The following APBB2 variants were observed in gnomAD, a reference collection of about 807,000 sequenced individuals.
The protein encoded by APBB2 is amyloid beta precursor protein binding family B member 2, also known as Fe65-like 1.
Under a neutral mutation model 82.5 loss-of-function variants are expected in APBB2, and 38 were observed. That is an observed-to-expected ratio of 0.46 (90% CI 0.36 to 0.60). The LOEUF is 0.60. Ranked by LOEUF, APBB2 falls within the 20% of genes least tolerant of loss-of-function variation. The pLI is 0.00. For missense variants in APBB2, 772 were observed against 972.3 expected (o/e 0.79, Z 2.74); for synonymous variants, 341 against 368.2 (o/e 0.93, Z 0.85).
chr4:41,023,403 T>C (rs1468756179), intron 5 of APBB2, among the ~76,000 whole-genome samples: 2 of 152,144 alleles, frequency 1.3e-5, no homozygotes, highest in Non-Finnish European at 2.9e-5. Context: ...TTCATTGAGA[T>C]ATAATTTATA....
In APBB2 at chr4:41,033,270, A is replaced by C. The variant is rs772106676; in HGVS notation, c.-16T>G. Reference sequence around the variant, plus strand: ...CTTCTGACATGGATCACCAGGCGTCAGCAATGGTGCAGGAAATAGGTTATA... The same window carrying C: ...CTTCTGACATGGATCACCAGGCGTCCGCAATGGTGCAGGAAATAGGTTATA... On this transcript the variant is annotated 5_prime_UTR_variant, in exon 5 of 18. It removes the in-frame stop codon of an upstream open reading frame in the 5' UTR. Coordinates refer to ENST00000508593, the MANE Select transcript of APBB2 (RefSeq NM_004307.2). 6.2e-7 allele frequency: 1 copy of C among 1,604,846 alleles called. No homozygotes were observed. The highest frequency in any genetic ancestry group is 8.5e-7 in the Non-Finnish European group (1 of 1,174,006).
At chr4:41,121,495 G>C (rs1752793772) in intron 2 of APBB2, among the ~76,000 whole-genome samples, 1 of 152,238 alleles carries the variant, frequency 6.6e-6, no homozygotes, top group African/African-American at 2.4e-5. Context: ...CGCATCTGTG[G>C]TGTGGCTGGT....
chr4:41,199,194 T>A (rs746567464), intron 1 of APBB2, among the ~76,000 whole-genome samples: 1 of 103,292 alleles, frequency 9.7e-6, no homozygotes, highest in African/African-American at 5.2e-5. Context: ...ATGCCCTCAA[T>A]AGAACTGACT....
At chr4:40,827,382 T>C (rs1370062511) in intron 13 of APBB2, among the ~76,000 whole-genome samples, 163 bp from the exon 14 acceptor site, 1 of 152,198 alleles carries the variant, frequency 6.6e-6, no homozygotes, top group African/African-American at 2.4e-5. Flanking sequence ...CATATTTTGT[T>C]GAGGAATTCC....
At chr4:40,951,718 G>A (rs748769742) in intron 6 of APBB2, among the ~76,000 whole-genome samples, 7 of 152,220 alleles carry the variant, frequency 4.6e-5, no homozygotes, top group Non-Finnish European at 1.0e-4. Flanking sequence ...TTGGCATGCA[G>A]CAGCCGTGTT....
intron 4 of APBB2, among the ~76,000 whole-genome samples, chr4:41,059,585 C>T (rs1306320408): frequency 6.6e-6 from 1 of 152,272 alleles, no homozygotes; most frequent in Non-Finnish European, 1.5e-5. Flanking sequence ...TCTTAAGCCA[C>T]AAACAATAGC....
intron 6 of APBB2, among the ~76,000 whole-genome samples, chr4:40,967,409 G>A (rs1041545365): frequency 2.6e-5 from 4 of 152,222 alleles, no homozygotes; most frequent in African/African-American, 9.6e-5. Context: ...GGGGAGCCCA[G>A]GCCTAGGAGC....
Position 40,991,010 on chromosome 4 carries a change from C to CTTTTTTTT in APBB2, c.835+22572_835+22573insAAAAAAAA, listed in dbSNP as rs1491223078. On this transcript the variant is annotated intron_variant, in intron 6 of 17. Coordinates refer to ENST00000508593, the MANE Select transcript of APBB2 (RefSeq NM_004307.2). ...TTTCTGGTCATTTTGGACTGAGTTT[C>CTTTTTTTT]ATTTTTTTTTTTTTTGGAGGCAAGG... is the stretch of plus-strand genomic sequence containing the variant. 2.9e-3 allele frequency among the ~76,000 whole-genome samples: 377 copies of CTTTTTTTT among 128,606 alleles called. 17 individuals carry two copies. The highest frequency in any genetic ancestry group is 7.1e-3 in the African/African-American group (259 of 36,720). 84.4% of individuals were successfully genotyped at this position (128,606 alleles called of 152,430 possible). A position where few individuals can be genotyped will look rare whatever the true frequency, so the allele number is the denominator to read the frequency against.
intron 6 of APBB2, among the ~76,000 whole-genome samples, chr4:41,009,511 G>T (rs1807724448): frequency 6.6e-6 from 1 of 152,206 alleles, no homozygotes; most frequent in East Asian, 1.9e-4. Context: ...ATAGAAAGTA[G>T]TCAGTCTCTA....
intron 12 of APBB2, among the ~76,000 whole-genome samples, chr4:40,851,459 A>G (rs936752823): frequency 6.6e-6 from 1 of 152,172 alleles, no homozygotes; most frequent in South Asian, 2.1e-4. Flanking sequence ...GAATCCTCGA[A>G]AACAGCATTT....
chr4:41,201,281 A>C (rs1000835127), intron 1 of APBB2, among the ~76,000 whole-genome samples: 2 of 152,236 alleles, frequency 1.3e-5, no homozygotes, highest in African/African-American at 4.8e-5. Flanking sequence ...TATCAAACAC[A>C]GAGGGACTGT....
chr4:40,827,097 G>A, intron 14 of APBB2, 35 bp downstream of exon 14: 1 of 1,586,922 alleles, frequency 6.3e-7, no homozygotes, highest in Non-Finnish European at 8.7e-7. Flanking sequence ...GGAGGGACAG[G>A]GCCATAATGA....
chr4:41,103,442 C>G (rs1746119021), intron 2 of APBB2, among the ~76,000 whole-genome samples: 1 of 152,042 alleles, frequency 6.6e-6, no homozygotes, highest in Non-Finnish European at 1.5e-5. Context: ...AAGATATATA[C>G]AAGGAATTTT....
At chr4:40,979,678 C>A (rs778016861) in intron 6 of APBB2, among the ~76,000 whole-genome samples, 1 of 152,134 alleles carries the variant, frequency 6.6e-6, no homozygotes, top group Non-Finnish European at 1.5e-5. Flanking sequence ...CAAAGGGCAG[C>A]CTCTGGGGAT....
intron 1 of APBB2, among the ~76,000 whole-genome samples, chr4:41,170,837 T>C (rs952147411): frequency 2.6e-5 from 4 of 152,252 alleles, no homozygotes; most frequent in Non-Finnish European, 2.9e-5. Flanking sequence ...TTCTTTGTAC[T>C]GTTTTTGCTA....
chr4:40,882,989 T>A (rs1325733527), intron 12 of APBB2, among the ~76,000 whole-genome samples: 4 of 152,096 alleles, frequency 2.6e-5, no homozygotes, highest in Non-Finnish European at 4.4e-5. Context: ...TCCAGGTGTG[T>A]TTAACTTGGA....
At chr4:40,827,773 C>T (rs952804013) in intron 13 of APBB2, among the ~76,000 whole-genome samples, 6 of 152,160 alleles carry the variant, frequency 3.9e-5, no homozygotes, top group African/African-American at 1.4e-4. Flanking sequence ...GAGTGTGTCA[C>T]GCATAGGGAA....
intron 10 of APBB2, among the ~76,000 whole-genome samples, chr4:40,907,379 ATTTTTTTTTTT>A (rs55814804): frequency 2.7e-5 from 1 of 37,398 alleles, no homozygotes; most frequent in Admixed American, 3.8e-4. Context: ...ATATATATAT[ATTTTTTTTTTT>A]TTTTTTTTTT....
Position 41,116,244 on chromosome 4 carries a change from C to A in APBB2, c.-260-15494G>T, listed in dbSNP as rs182789258. On this transcript the variant is annotated intron_variant, in intron 2 of 17. Transcript: ENST00000508593. ...AAACCAAACACTGCATGTTATCACT[C>A]ATGGGTGGGAGTTGAACAATGGGAA... Among the ~76,000 whole-genome samples the A allele has an allele frequency of 1.8e-3, 272 of 152,238 alleles. 2 individuals carry two copies. The highest frequency in any genetic ancestry group is 0.013 in the Admixed American group (198 of 15,286).
Sources: gnomAD v4.1 joint callset for allele counts (sites outside exome capture counted in the v4.1 genomes callset) on GRCh38, gnomAD v4.1.1 for gene constraint, MANE v1.5 for transcripts, NCBI Gene and HGNC (gene_info 2026-07-23, HGNC 2026-07-21) for gene names.